The following ENOX1 variants were observed in gnomAD, a reference collection of about 807,000 sequenced individuals.
ENOX1 encodes the protein candidate growth-related and time keeping constitutive hydroquinone (NADH) oxidase.
ENOX1 carries 42 observed loss-of-function variants against 82.5 expected under a neutral mutation model. That is an observed-to-expected ratio of 0.51 (90% CI 0.40 to 0.66). ENOX1 has a LOEUF of 0.66. Among genes scored for constraint, ENOX1 ranks in the 30% least tolerant of loss-of-function variants. The pLI is 0.00. For missense variants in ENOX1, 608 were observed against 811.6 expected, an observed-to-expected ratio of 0.75 and a Z score of 3.05; for synonymous variants, 271 against 282.2, an observed-to-expected ratio of 0.96 and a Z score of 0.40.
chr13:43,722,403 C>T (rs2088639502), intron 1 of ENOX1, among the ~76,000 whole-genome samples: 1 of 152,112 alleles, frequency 6.6e-6, no homozygotes, highest in African/African-American at 2.4e-5. Flanking sequence ...ACAGTAAAAA[C>T]CTCTGGGAAG....
intron 1 of ENOX1, among the ~76,000 whole-genome samples, chr13:43,770,266 C>T (rs1055143948): frequency 6.6e-6 from 1 of 152,166 alleles, no homozygotes; most frequent in Non-Finnish European, 1.5e-5. Context: ...TGGCATTCCC[C>T]CTGGTCACAT....
chr13:43,618,403 CTTGAGTTTTGTATAAGG>C (rs2082576063), intron 2 of ENOX1, among the ~76,000 whole-genome samples: 1 of 151,958 alleles, frequency 6.6e-6, no homozygotes, highest in Non-Finnish European at 1.5e-5. Context: ...CTTAGTCCAT[CTTGAGTTTTGTATAAGG>C]TGAGAGATGA....
chr13:43,254,896 A>G (rs940643122), intron 14 of ENOX1, among the ~76,000 whole-genome samples: 1 of 152,226 alleles, frequency 6.6e-6, no homozygotes, highest in Admixed American at 6.5e-5. Flanking sequence ...AGTAATAAAA[A>G]GTCTCTTACA....
chr13:43,416,593 G>A (rs142766937), intron 3 of ENOX1, among the ~76,000 whole-genome samples: 7 of 149,868 alleles, frequency 4.7e-5, no homozygotes, highest in Non-Finnish European at 8.9e-5. Flanking sequence ...GGGCAGAGGC[G>A]CTCCTCACTT....
At chr13:43,465,732 A>G (rs1306572523) in intron 3 of ENOX1, among the ~76,000 whole-genome samples, 1 of 152,188 alleles carries the variant, frequency 6.6e-6, no homozygotes, top group Non-Finnish European at 1.5e-5. Context: ...ATCAAATTAA[A>G]TAGTAGTTAA....
At chr13:43,404,765 C>A (rs2153593165) in intron 5 of ENOX1, among the ~76,000 whole-genome samples, 1 of 152,260 alleles carries the variant, frequency 6.6e-6, no homozygotes, top group Non-Finnish European at 1.5e-5. Context: ...AATGTAATGT[C>A]CTAATGTCCT....
At chr13:43,548,392 G>A (rs760262225) in intron 2 of ENOX1, among the ~76,000 whole-genome samples, 1 of 152,180 alleles carries the variant, frequency 6.6e-6, no homozygotes, top group Non-Finnish European at 1.5e-5. Context: ...AAAGTTCAAG[G>A]GATAAAGCAT....
At chr13:43,215,936 C>T (rs2041452195) in intron 16 of ENOX1, among the ~76,000 whole-genome samples, 1 of 152,158 alleles carries the variant, frequency 6.6e-6, no homozygotes, top group African/African-American at 2.4e-5. Flanking sequence ...GTAGCTCATG[C>T]CTGTAATCCC....
At chr13:43,626,679 A>G (rs1290715863) in intron 2 of ENOX1, among the ~76,000 whole-genome samples, 1 of 151,886 alleles carries the variant, frequency 6.6e-6, no homozygotes, top group East Asian at 1.9e-4. Flanking sequence ...CAATGGCCTT[A>G]TATTAAGGGT....
intron 1 of ENOX1, among the ~76,000 whole-genome samples, chr13:43,775,154 C>CT (rs988756385): frequency 6.6e-6 from 1 of 151,936 alleles, no homozygotes; most frequent in Non-Finnish European, 1.5e-5. Flanking sequence ...AACCTTTTTT[C>CT]TTTTTTTAGA....
At chr13:43,708,622 T>C (rs1393145172) in intron 1 of ENOX1, among the ~76,000 whole-genome samples, 2 of 152,224 alleles carry the variant, frequency 1.3e-5, no homozygotes, top group African/African-American at 4.8e-5. Context: ...AAATTAATTT[T>C]CAACAGAAGC....
intron 3 of ENOX1, among the ~76,000 whole-genome samples, chr13:43,423,315 T>C (rs1428789561): frequency 6.6e-6 from 1 of 152,200 alleles, no homozygotes; most frequent in Non-Finnish European, 1.5e-5. Flanking sequence ...CGCTAGACTT[T>C]GCTGGTGAGT....
intron 10 of ENOX1, among the ~76,000 whole-genome samples, chr13:43,324,672 A>G (rs1367721849): frequency 6.6e-6 from 1 of 152,194 alleles, no homozygotes; most frequent in Non-Finnish European, 1.5e-5. Context: ...CCTTCGCAGG[A>G]GCACCTTTGA....
intron 1 of ENOX1, among the ~76,000 whole-genome samples, chr13:43,707,947 C>T (rs1000369887): frequency 4.0e-5 from 6 of 151,694 alleles, no homozygotes; most frequent in Non-Finnish European, 5.9e-5. Context: ...GAGAGGGGTC[C>T]CCCTTATACT....
chr13:43,590,873 G>A (rs2153725191), intron 2 of ENOX1, among the ~76,000 whole-genome samples: 1 of 150,182 alleles, frequency 6.7e-6, no homozygotes, highest in African/African-American at 2.4e-5. Context: ...TTTCAAAGAA[G>A]AGGAAACATA....
intron 2 of ENOX1, among the ~76,000 whole-genome samples, chr13:43,653,675 A>T (rs1394785644): frequency 6.6e-6 from 1 of 152,194 alleles, no homozygotes; most frequent in Non-Finnish European, 1.5e-5. Flanking sequence ...ATCCCCTGTG[A>T]CTGTCACATA....
At chr13:43,249,579 C>G (rs76072005) in intron 14 of ENOX1, among the ~76,000 whole-genome samples, 6,024 of 152,198 alleles carry the variant, frequency 0.04, 165 homozygotes, top group Non-Finnish European at 0.059. Context: ...CAGTTCATTT[C>G]TCAGTATGAC....
chr13:43,368,037 TTAACA>T (rs1178554412), intron 5 of ENOX1, among the ~76,000 whole-genome samples: 3 of 152,210 alleles, frequency 2.0e-5, no homozygotes, highest in Non-Finnish European at 4.4e-5. Context: ...ACAGATTATG[TTAACA>T]TAACAGAATA....
intron 3 of ENOX1, among the ~76,000 whole-genome samples, chr13:43,431,710 T>C (rs2055675409): frequency 6.6e-6 from 1 of 152,228 alleles, no homozygotes; most frequent in Admixed American, 6.5e-5. Context: ...CACACATAAA[T>C]ATGTATAAAC....
Sources: gnomAD v4.1 joint callset for allele counts (sites outside exome capture counted in the v4.1 genomes callset) on GRCh38, gnomAD v4.1.1 for gene constraint, MANE v1.5 for transcripts, NCBI Gene and HGNC (gene_info 2026-07-23, HGNC 2026-07-21) for gene names.